Variants in IL1RAPL2 observed in about 807,000 individuals in gnomAD.
IL1RAPL2 encodes the protein X-linked interleukin-1 receptor accessory protein-like 2.
In IL1RAPL2, 3 loss-of-function variants were observed where a neutral mutation model predicts 44.1. The ratio of observed to expected loss-of-function variants is 0.07; its 90% CI spans 0.03 to 0.18. The LOEUF is 0.18. IL1RAPL2 is among the 10% of genes least tolerant of loss of function. The probability of loss-of-function intolerance (pLI) is 1.00; values close to 1 mark genes in which losing one functional copy is unlikely to be tolerated. For synonymous variants in IL1RAPL2, 181 were observed against 178.8 expected, an observed-to-expected ratio of 1.01 and a Z score of -0.10; for missense variants, 391 against 496.4, an observed-to-expected ratio of 0.79 and a Z score of 2.02.
chrX:105,676,868 T>TATATTATATCAGAGAA (rs2037877438), intron 6 of IL1RAPL2, among the ~76,000 whole-genome samples: 1 of 112,264 alleles, frequency 8.9e-6, no homozygotes, highest in African/African-American at 3.2e-5. Flanking sequence ...GAAACAGTTA[T>TATATTATATCAGAGAA]ACTAAATCAT....
intron 4 of IL1RAPL2, among the ~76,000 whole-genome samples, chrX:105,240,658 T>A (rs2034162855): frequency 8.9e-6 from 1 of 111,928 alleles, no homozygotes; most frequent in Non-Finnish European, 1.9e-5. Context: ...TGACTTCAAG[T>A]AAAGACACAG....
intron 2 of IL1RAPL2, among the ~76,000 whole-genome samples, chrX:105,035,002 C>A (rs1337474474): frequency 2.7e-5 from 2 of 74,395 alleles, no homozygotes; most frequent in Non-Finnish European, 4.9e-5. Context: ...GCTGTGCTAG[C>A]AATCAGCGAG....
intron 6 of IL1RAPL2, among the ~76,000 whole-genome samples, chrX:105,528,422 A>G (rs1266539907): frequency 1.8e-5 from 2 of 111,930 alleles, no homozygotes; most frequent in Non-Finnish European, 3.8e-5. Context: ...CTTCCTTCAA[A>G]TATATCAGCT....
chrX:105,253,317 T>C (rs180671108), intron 4 of IL1RAPL2, among the ~76,000 whole-genome samples: 64 of 111,164 alleles, frequency 5.8e-4, no homozygotes, highest in African/African-American at 1.9e-3. Context: ...ATTGGTTCTT[T>C]CCTCAGCTAT....
At chrX:105,711,683 A>G (rs1179651013) in intron 6 of IL1RAPL2, among the ~76,000 whole-genome samples, 2 of 111,657 alleles carry the variant, frequency 1.8e-5, no homozygotes, top group Non-Finnish European at 3.8e-5. Flanking sequence ...TATCTAAATC[A>G]GACATAGATG....
At chrX:105,220,006 A>G (rs2033935101) in intron 3 of IL1RAPL2, 1 of 1,210,260 alleles carries the variant, frequency 8.3e-7, no homozygotes, top group Non-Finnish European at 1.1e-6. Context: ...GGTCTGGGCC[A>G]TTCTTAGCCG....
At chrX:104,893,760 T>G (rs2075971028) in intron 2 of IL1RAPL2, among the ~76,000 whole-genome samples, 1 of 111,985 alleles carries the variant, frequency 8.9e-6, no homozygotes, top group South Asian at 3.8e-4. Flanking sequence ...TCTGTGTCTT[T>G]TAATGGGAGC....
intron 2 of IL1RAPL2, among the ~76,000 whole-genome samples, chrX:104,757,033 AAGAG>A (rs778435442): frequency 9.1e-5 from 10 of 109,489 alleles, no homozygotes; most frequent in Admixed American, 2.9e-4. Context: ...ATCCAAGAGA[AAGAG>A]AGAGAGAGAG....
intron 2 of IL1RAPL2, among the ~76,000 whole-genome samples, chrX:104,968,926 A>G (rs922337387): frequency 9.1e-6 from 1 of 109,509 alleles, no homozygotes; most frequent in African/African-American, 3.3e-5. Context: ...TAATCTATAT[A>G]TTCAATGCAA....
At chrX:104,946,963 T>C (rs1323684245) in intron 2 of IL1RAPL2, among the ~76,000 whole-genome samples, 2 of 96,631 alleles carry the variant, frequency 2.1e-5, no homozygotes, top group Non-Finnish European at 4.1e-5. Flanking sequence ...ATGGTATTTC[T>C]AGTTCTAGAT....
At chrX:104,613,569 A>G (rs925240820) in intron 1 of IL1RAPL2, among the ~76,000 whole-genome samples, 21 of 111,370 alleles carry the variant, frequency 1.9e-4, no homozygotes, top group African/African-American at 4.9e-4. Flanking sequence ...TTGGTTTGCT[A>G]GTATGTTGTT....
intron 2 of IL1RAPL2, among the ~76,000 whole-genome samples, chrX:104,764,680 T>C: frequency 8.9e-6 from 1 of 112,214 alleles, no homozygotes; most frequent in African/African-American, 3.2e-5. Flanking sequence ...AGTATGATAC[T>C]AGCTGTGGGT....
chrX:105,424,672 C>T (rs1166415273), intron 5 of IL1RAPL2, among the ~76,000 whole-genome samples: 4 of 109,434 alleles, frequency 3.7e-5, no homozygotes, highest in Admixed American at 2.0e-4. Context: ...ATCGCCTGAA[C>T]CCGGGAGGAG....
intron 3 of IL1RAPL2, among the ~76,000 whole-genome samples, chrX:105,206,423 A>C (rs1363469911): frequency 3.6e-5 from 4 of 111,722 alleles, no homozygotes; most frequent in Non-Finnish European, 7.5e-5. Context: ...GGGATTTGGA[A>C]AGGTTTGACT....
intron 2 of IL1RAPL2, among the ~76,000 whole-genome samples, chrX:105,164,598 A>G (rs1198401209): frequency 8.9e-6 from 1 of 112,314 alleles, no homozygotes; most frequent in Non-Finnish European, 1.9e-5. Flanking sequence ...TGGTTAGCAT[A>G]CTTCAGGGGC....
intron 2 of IL1RAPL2, among the ~76,000 whole-genome samples, chrX:104,822,475 A>C (rs1444926044): frequency 3.6e-5 from 4 of 111,983 alleles, no homozygotes; most frequent in African/African-American, 9.8e-5. Context: ...ATGGCTAGCC[A>C]GTTTTCCCAA....
chrX:105,623,998 C>T (rs1275770671), intron 6 of IL1RAPL2, among the ~76,000 whole-genome samples: 3 of 111,191 alleles, frequency 2.7e-5, no homozygotes, highest in Non-Finnish European at 3.8e-5. Context: ...AAAAGCTTGT[C>T]CATGGAAATA....
chrX:105,560,247 C>A (rs751702997), intron 6 of IL1RAPL2, among the ~76,000 whole-genome samples: 50 of 111,030 alleles, frequency 4.5e-4, no homozygotes, highest in Non-Finnish European at 8.1e-4. Flanking sequence ...CTGAGCTAGG[C>A]CAACTTAGAA....
At chrX:104,676,239 A>G (rs1434861843) in intron 2 of IL1RAPL2, among the ~76,000 whole-genome samples, 26 of 111,387 alleles carry the variant, frequency 2.3e-4, no homozygotes, top group East Asian at 2.8e-4. Context: ...GGCTGGTACC[A>G]GTTGTTCCTT....
Sources: allele counts gnomAD v4.1 joint callset (sites outside exome capture counted in the v4.1 genomes callset), GRCh38; gene constraint gnomAD v4.1.1; transcripts MANE v1.5; gene names NCBI Gene and HGNC (gene_info 2026-07-23, HGNC 2026-07-21).